GPRIN3: variants seen among roughly 807,000 people sequenced by gnomAD.
The protein encoded by GPRIN3 is GPRIN family member 3, also known as G protein-regulated inducer of neurite outgrowth 3.
A neutral mutation model predicts 13.7 loss-of-function variants in GPRIN3; 12 were observed. The ratio of observed to expected loss-of-function variants is 0.87; its 90% CI spans 0.56 to 1.42. The LOEUF (loss-of-function observed/expected upper bound fraction) is 1.42, where lower values mean the gene tolerates loss of function less well. Among genes scored for constraint, GPRIN3 ranks in the 40% most tolerant of loss-of-function variants. The probability of loss-of-function intolerance (pLI) is 0.00; values close to 1 mark genes in which losing one functional copy is unlikely to be tolerated. For missense variants in GPRIN3, 1,009 were observed against 958.7 expected (o/e 1.05, Z -0.69); for synonymous variants, 377 against 372.7 (o/e 1.01, Z -0.13).
chr4:89,300,070 C>G (rs763798756), intron 1 of GPRIN3, among the ~76,000 whole-genome samples: 2 of 152,092 alleles, frequency 1.3e-5, no homozygotes, highest in Non-Finnish European at 2.9e-5. Flanking sequence ...AATTTTTATT[C>G]ATTAAACTTT....
At position 89,239,574 on chromosome 4, in the gene GPRIN3, A is replaced by G. The variant is rs1020975997; in HGVS notation, c.*8206T>C. ...CTCTAAAACATGAATATGTTTTTAA[A>G]TGTTATTCTTAACTTTCTACTGAGA... is the stretch of plus-strand genomic sequence containing the variant. On this transcript the variant is annotated 3_prime_UTR_variant, in exon 2 of 2. Transcript: ENST00000609438. The G allele has an allele frequency of 3.3e-5, 5 of 152,204 alleles. No individual in the cohort carries two copies. The highest frequency in any genetic ancestry group is 1.2e-4 in the African/African-American group (5 of 41,454). 9.4% of individuals were successfully genotyped at this position (152,204 alleles called of 1,614,324 possible). A position where few individuals can be genotyped will look rare whatever the true frequency, so the allele number is the denominator to read the frequency against.
chr4:89,291,171 GA>G (rs1401769615), intron 1 of GPRIN3, among the ~76,000 whole-genome samples: 1 of 151,986 alleles, frequency 6.6e-6, no homozygotes, highest in Non-Finnish European at 1.5e-5. Context: ...CATGATTTGG[GA>G]CTGAATTTTT....
At chr4:89,305,508 G>A (rs572120942) in intron 1 of GPRIN3, among the ~76,000 whole-genome samples, 35 of 152,280 alleles carry the variant, frequency 2.3e-4, no homozygotes, top group African/African-American at 7.0e-4. Flanking sequence ...GAATGAATGA[G>A]TGCATAAAGG....
chr4:89,273,779 A>C (rs571969358), intron 1 of GPRIN3, among the ~76,000 whole-genome samples: 66 of 152,352 alleles, frequency 4.3e-4, no homozygotes, highest in South Asian at 1.5e-3. Context: ...AATCTCTGTG[A>C]TATGACCTCA....
At chr4:89,290,336 T>C (rs1160575473) in intron 1 of GPRIN3, among the ~76,000 whole-genome samples, 2 of 152,086 alleles carry the variant, frequency 1.3e-5, no homozygotes. Flanking sequence ...CCATGTCCCC[T>C]GGACTGTCTT....
intron 1 of GPRIN3, among the ~76,000 whole-genome samples, chr4:89,257,778 C>CA (rs1389750060): frequency 6.6e-6 from 1 of 152,090 alleles, no homozygotes; most frequent in Non-Finnish European, 1.5e-5. Flanking sequence ...ACAGAAAACT[C>CA]AAAAAGCATA....
At chr4:89,253,139 C>T (rs1723376861) in intron 1 of GPRIN3, among the ~76,000 whole-genome samples, 1 of 151,924 alleles carries the variant, frequency 6.6e-6, no homozygotes, top group Non-Finnish European at 1.5e-5. Flanking sequence ...TCCAAAAACA[C>T]TGCAAGCCCC....
chr4:89,306,390 G>A (rs1725034024), intron 1 of GPRIN3, among the ~76,000 whole-genome samples: 1 of 152,126 alleles, frequency 6.6e-6, no homozygotes, highest in Admixed American at 6.5e-5. Flanking sequence ...AAAAGCCCAC[G>A]CAGGAGATGT....
chr4:89,264,887 C>T (rs1723741012), intron 1 of GPRIN3, among the ~76,000 whole-genome samples: 1 of 152,126 alleles, frequency 6.6e-6, no homozygotes, highest in South Asian at 2.1e-4. Flanking sequence ...AAATGTCTTC[C>T]CCTGCTGGAA....
chr4:89,288,902 C>T (rs1022158871), intron 1 of GPRIN3, among the ~76,000 whole-genome samples: 1 of 152,096 alleles, frequency 6.6e-6, no homozygotes, highest in Non-Finnish European at 1.5e-5. Context: ...CACAGGCAGG[C>T]ATTAGTTTTT....
intron 1 of GPRIN3, among the ~76,000 whole-genome samples, chr4:89,274,867 G>A (rs981001588): frequency 1.2e-4 from 19 of 152,188 alleles, no homozygotes; most frequent in African/African-American, 4.6e-4. Context: ...TCTTTCCAGT[G>A]TTGCCTGCCT....
intron 1 of GPRIN3, among the ~76,000 whole-genome samples, chr4:89,271,950 A>T (rs1362076647): frequency 6.6e-6 from 1 of 152,048 alleles, no homozygotes. Flanking sequence ...AATGAATGAG[A>T]TTATTGCTTT....
Position 89,246,391 on chromosome 4 carries a change from C to T in GPRIN3, c.*1389G>A, listed in dbSNP as rs7686730. The T allele has an allele frequency of 0.41, 62,799 of 151,820 alleles. 13,326 individuals carry two copies. The highest frequency in any genetic ancestry group is 0.56 in the South Asian group (2,700 of 4,816). 9.4% of individuals were successfully genotyped at this position (151,820 alleles called of 1,614,324 possible). On this transcript the variant is annotated 3_prime_UTR_variant, in exon 2 of 2. Coordinates refer to ENST00000609438, the MANE Select transcript of GPRIN3 (RefSeq NM_198281.3). ...CCGTTGTTCATTCTTCCTTTCCACA[C>T]TACCCCAATTCTCAAGGCGATGCTG...
In GPRIN3 at chr4:89,241,647, A is replaced by G. The variant is rs921599106; in HGVS notation, c.*6133T>C. Reference sequence around the variant, plus strand: ...CCTCTAGGGATTGGGGAGTATGACTATAATACTGCAATCTCCTGATATACC... The same window carrying G: ...CCTCTAGGGATTGGGGAGTATGACTGTAATACTGCAATCTCCTGATATACC... On this transcript the variant is annotated 3_prime_UTR_variant, in exon 2 of 2. Coordinates refer to ENST00000609438, the MANE Select transcript of GPRIN3 (RefSeq NM_198281.3). 6.6e-6 allele frequency: 1 copy of G among 152,196 alleles called. No homozygotes were observed. The highest frequency in any genetic ancestry group is 2.4e-5 in the African/African-American group (1 of 41,444). 9.4% of individuals were successfully genotyped at this position (152,196 alleles called of 1,614,324 possible). A position where few individuals can be genotyped will look rare whatever the true frequency, so the allele number is the denominator to read the frequency against.
intron 1 of GPRIN3, among the ~76,000 whole-genome samples, chr4:89,285,359 A>G (rs994311513): frequency 3.3e-5 from 5 of 151,828 alleles, no homozygotes; most frequent in African/African-American, 1.2e-4. Context: ...ATTAAAAAAA[A>G]AGAAAAATCC....
chr4:89,294,756 T>A (rs952415335), intron 1 of GPRIN3, among the ~76,000 whole-genome samples: 10 of 152,214 alleles, frequency 6.6e-5, no homozygotes, highest in African/African-American at 2.4e-4. Flanking sequence ...CACTGCTATA[T>A]CCTTTTCACC....
chr4:89,256,084 G>A (rs565522317), intron 1 of GPRIN3, among the ~76,000 whole-genome samples: 1 of 152,292 alleles, frequency 6.6e-6, no homozygotes, highest in East Asian at 1.9e-4. Flanking sequence ...ACCCACTCAA[G>A]ATGGAATACC....
At chr4:89,285,744 G>A (rs1242092500) in intron 1 of GPRIN3, among the ~76,000 whole-genome samples, 1 of 152,148 alleles carries the variant, frequency 6.6e-6, no homozygotes, top group African/African-American at 2.4e-5. Flanking sequence ...AACTGACAGA[G>A]ATGGGGAAAA....
intron 1 of GPRIN3, among the ~76,000 whole-genome samples, chr4:89,272,824 T>C (rs533371371): frequency 7.2e-5 from 11 of 152,206 alleles, no homozygotes; most frequent in Non-Finnish European, 1.6e-4. Context: ...TTCAATTCTA[T>C]TCCATTTAAA....
Sources: allele counts gnomAD v4.1 joint callset (sites outside exome capture counted in the v4.1 genomes callset), GRCh38; gene constraint gnomAD v4.1.1; transcripts MANE v1.5; gene names NCBI Gene and HGNC (gene_info 2026-07-23, HGNC 2026-07-21).